APOBEC1: variants seen among roughly 807,000 people sequenced by gnomAD.
APOBEC1 encodes apolipoprotein B mRNA editing enzyme catalytic subunit 1.
Under a neutral mutation model 26.3 loss-of-function variants are expected in APOBEC1, and 22 were observed. That is an observed-to-expected ratio of 0.84 (90% CI 0.60 to 1.19). The LOEUF (loss-of-function observed/expected upper bound fraction) is 1.19, where lower values mean the gene tolerates loss of function less well. APOBEC1 is among the 50% of genes most tolerant of loss of function. The pLI, the probability that APOBEC1 is intolerant of heterozygous loss-of-function variation, is 0.00. For synonymous variants in APOBEC1, 77 were observed against 95.3 expected (o/e 0.81, Z 1.12); for missense variants, 253 against 289.0 (o/e 0.88, Z 0.90).
upstream of APOBEC1, among the ~76,000 whole-genome samples, chr12:7,668,406 T>C (rs891519373): frequency 1.4e-4 from 21 of 152,282 alleles, no homozygotes; most frequent in Admixed American, 1.1e-3. Context: ...GAAACTGATA[T>C]GGTAGGACAT....
chr12:7,653,015 C>T (rs1470684301), intron 2 of APOBEC1, among the ~76,000 whole-genome samples, 180 bp from the exon 3 acceptor site: 4 of 152,012 alleles, frequency 2.6e-5, no homozygotes, highest in Non-Finnish European at 5.9e-5. Flanking sequence ...CCACAACCTC[C>T]ACCTCCCAGG....
At chr12:7,664,328 T>C (rs753449130) in intron 1 of APOBEC1, among the ~76,000 whole-genome samples, 1 of 152,298 alleles carries the variant, frequency 6.6e-6, no homozygotes, top group South Asian at 2.1e-4. Flanking sequence ...AGTAAATGTG[T>C]CTAAAGCACT....
chr12:7,654,852 C>T (rs1382511630), intron 1 of APOBEC1, among the ~76,000 whole-genome samples: 1 of 152,182 alleles, frequency 6.6e-6, no homozygotes, highest in Admixed American at 6.5e-5. Flanking sequence ...CAATCCCAAA[C>T]AAGGTAGTCT....
At chr12:7,660,330 GGAAGGGAAGGAAGGAA>G (rs1210681198) in intron 1 of APOBEC1, among the ~76,000 whole-genome samples, 60 of 114,642 alleles carry the variant, frequency 5.2e-4, no homozygotes, top group Middle Eastern at 8.6e-3. Flanking sequence ...AAGGAAGGAA[GGAAGGGAAGGAAGGAA>G]GGAAGGAAGG....
At chr12:7,656,017 T>G (rs1418839380) in intron 1 of APOBEC1, among the ~76,000 whole-genome samples, 1 of 152,072 alleles carries the variant, frequency 6.6e-6, no homozygotes, top group Non-Finnish European at 1.5e-5. Context: ...TTATTTTTTT[T>G]GTGGAGGCGT....
chr12:7,663,479 G>A (rs1863848107), intron 1 of APOBEC1, among the ~76,000 whole-genome samples: 2 of 152,070 alleles, frequency 1.3e-5, no homozygotes, highest in Non-Finnish European at 2.9e-5. Context: ...GGAGGAAGGG[G>A]GTGGCTGGCA....
chr12:7,663,897 C>CT (rs1863857421), intron 1 of APOBEC1, among the ~76,000 whole-genome samples: 2 of 152,090 alleles, frequency 1.3e-5, no homozygotes, highest in Non-Finnish European at 2.9e-5. Flanking sequence ...GCTCTTGTTG[C>CT]CCAGGCTGGA....
chr12:7,664,955 A>C (rs1314947223), intron 1 of APOBEC1, among the ~76,000 whole-genome samples: 1 of 151,922 alleles, frequency 6.6e-6, no homozygotes, highest in African/African-American at 2.4e-5. Context: ...CTGTATTCCT[A>C]GTACTTTGAG....
At chr12:7,657,312 T>C (rs1467585325) in intron 1 of APOBEC1, among the ~76,000 whole-genome samples, 2 of 152,202 alleles carry the variant, frequency 1.3e-5, no homozygotes, top group Non-Finnish European at 2.9e-5. Flanking sequence ...CCTTGGAATA[T>C]GTCTCCAAAG....
intron 3 of APOBEC1, among the ~76,000 whole-genome samples, chr12:7,652,153 T>G (rs1863652193): frequency 6.6e-6 from 1 of 152,146 alleles, no homozygotes; most frequent in Non-Finnish European, 1.5e-5. Context: ...AGATGGGGTC[T>G]CACTATGTTG....
At chr12:7,654,688 A>G in intron 1 of APOBEC1, 56 bp from the exon 2 acceptor site, 1 of 1,530,506 alleles carries the variant, frequency 6.5e-7, no homozygotes, top group South Asian at 1.1e-5. Flanking sequence ...ATGAGTTGCT[A>G]AGAAAAAGTG....
At chr12:7,659,022 C>T (rs1241021104) in intron 1 of APOBEC1, among the ~76,000 whole-genome samples, 2 of 143,146 alleles carry the variant, frequency 1.4e-5, no homozygotes, top group Non-Finnish European at 3.0e-5. Flanking sequence ...AGGCCGGGCG[C>T]GGTGGCTCAT....
At chr12:7,655,493 T>C (rs758010869) in intron 1 of APOBEC1, among the ~76,000 whole-genome samples, 34 of 148,212 alleles carry the variant, frequency 2.3e-4, no homozygotes, top group Non-Finnish European at 4.5e-4. Context: ...CTAGCCTGAG[T>C]GACAGAGCAA....
intron 1 of APOBEC1, among the ~76,000 whole-genome samples, chr12:7,656,480 G>A (rs1302204612): frequency 6.6e-6 from 1 of 152,066 alleles, no homozygotes; most frequent in Non-Finnish European, 1.5e-5. Context: ...GCAAAACCAC[G>A]TCCTCCATTC....
chr12:7,665,804 C>CA (rs1255631128), intron 1 of APOBEC1, 53 bp downstream of exon 1: 2 of 1,306,776 alleles, frequency 1.5e-6, no homozygotes, highest in Non-Finnish European at 2.2e-6. Context: ...CACACACACA[C>CA]ACCATTCTTG....
upstream of APOBEC1, among the ~76,000 whole-genome samples, chr12:7,667,673 G>C (rs1033251453): frequency 6.6e-6 from 1 of 152,152 alleles, no homozygotes; most frequent in Non-Finnish European, 1.5e-5. Flanking sequence ...CCAGCACTAT[G>C]AGAGGCAGAG....
upstream of APOBEC1, among the ~76,000 whole-genome samples, chr12:7,668,602 A>G (rs1367057207): frequency 6.6e-6 from 1 of 152,190 alleles, no homozygotes; most frequent in Non-Finnish European, 1.5e-5. Flanking sequence ...CAAGGATGAA[A>G]TGTAGCTATT....
At chr12:7,669,283 T>C (rs138854316), upstream of APOBEC1, among the ~76,000 whole-genome samples, 333 of 152,260 alleles carry the variant, frequency 2.2e-3, no homozygotes, top group Non-Finnish European at 3.7e-3. Flanking sequence ...CAGGCTGTTC[T>C]TCAGCTTTTC....
rs1340514921 is a variant in APOBEC1 at position 7,652,782 on chromosome 12, C to T, written c.98G>A (p.Arg33His). 8.7e-6 allele frequency: 14 copies of T among 1,613,514 alleles called. No homozygotes were observed. Among genetic ancestry groups the T allele is most frequent in the South Asian group, 4.4e-5 (4 of 91,058 alleles). The change falls in exon 3 of 5, where the codon CGT (arginine) becomes CAT (histidine). Residue 33 changes from arginine to histidine, a missense_variant. By Grantham distance (29) the Arg-to-His change is conservative (BLOSUM62 0). Transcript: ENST00000229304. ...FDVFYDPREL[R>H]KEACLLYEIK... ...TTCGTAGAGCAGACAGGCCTCTTTACGAAGTTCTCTGGGGTCATAGAAGAC... is the reference window on the plus strand; with the variant it reads ...TTCGTAGAGCAGACAGGCCTCTTTATGAAGTTCTCTGGGGTCATAGAAGAC...
Sources: allele counts gnomAD v4.1 joint callset (sites outside exome capture counted in the v4.1 genomes callset), GRCh38; gene constraint gnomAD v4.1.1; transcripts MANE v1.5; gene names NCBI Gene and HGNC (gene_info 2026-07-23, HGNC 2026-07-21).